ACTR3: variants seen among roughly 807,000 people sequenced by gnomAD.
The protein encoded by ACTR3 is actin related protein 3.
ACTR3 carries 12 observed loss-of-function variants against 56.8 expected under a neutral mutation model. That is an observed-to-expected ratio of 0.21 (90% confidence interval 0.14 to 0.34). ACTR3 has a LOEUF of 0.34. Among genes scored for constraint, ACTR3 ranks in the 10% least tolerant of loss-of-function variants. The pLI is 1.00. For missense variants in ACTR3, 282 were observed against 512.5 expected (o/e 0.55, Z 4.34); for synonymous variants, 162 against 167.4 (o/e 0.97, Z 0.25).
chr2:113,948,835 T>G, intron 8 of ACTR3, among the ~76,000 whole-genome samples: 1 of 151,688 alleles, frequency 6.6e-6, no homozygotes, highest in Non-Finnish European at 1.5e-5. Flanking sequence ...TGAAGTGTCT[T>G]TTACATCCCA....
intron 6 of ACTR3, 139 bp from the exon 7 acceptor site, chr2:113,939,820 G>C: frequency 4.9e-6 from 3 of 606,210 alleles, no homozygotes; most frequent in Non-Finnish European, 7.8e-6. Flanking sequence ...AGGAATAAAG[G>C]TAAGTTCTGA....
intron 1 of ACTR3, among the ~76,000 whole-genome samples, chr2:113,906,569 T>C (rs184180037): frequency 1.3e-5 from 2 of 152,314 alleles, no homozygotes; most frequent in Admixed American, 6.5e-5. Flanking sequence ...TTTCACCTTA[T>C]GTTTTTTTTC....
chr2:113,915,606 A>C lies in ACTR3; in HGVS notation c.101-1278A>C, dbSNP rs138758091. Among the ~76,000 whole-genome samples, 55 of 152,300 alleles carry C rather than the reference A, an allele frequency of 3.6e-4. 1 individual carries two copies. The highest frequency in any genetic ancestry group is 6.8e-3 in the Middle Eastern group (2 of 294). ...TGATTGTATATTTCAGGAGACTACT[A>C]AAGTTATTTCTGCCATCTTAGCAAA... On this transcript the variant is annotated intron_variant, in intron 2 of 11. Coordinates refer to ENST00000263238, the MANE Select transcript of ACTR3 (RefSeq NM_005721.5).
chr2:113,902,599 G>GTT (rs35712512), intron 1 of ACTR3, among the ~76,000 whole-genome samples: 32 of 146,678 alleles, frequency 2.2e-4, no homozygotes, highest in African/African-American at 3.7e-4. Context: ...TTTTGGTTTA[G>GTT]TTTTTTTTTT....
intron 3 of ACTR3, among the ~76,000 whole-genome samples, chr2:113,918,807 A>G (rs10204719): frequency 0.026 from 4,025 of 152,328 alleles, 143 homozygotes; most frequent in African/African-American, 0.076. Flanking sequence ...CTCAGGCCAC[A>G]TAGACAATGA....
intron 6 of ACTR3, among the ~76,000 whole-genome samples, chr2:113,935,190 A>G (rs1016680334): frequency 5.3e-5 from 8 of 152,206 alleles, no homozygotes; most frequent in African/African-American, 1.4e-4. Context: ...AATAACTGCC[A>G]TTGTTTAACG....
intron 1 of ACTR3, chr2:113,905,275 G>A (rs62169873): frequency 0.073 from 11,168 of 152,048 alleles, 461 homozygotes; most frequent in African/African-American, 0.1. Context: ...GGCCAGCCTG[G>A]CCAACATGGT....
chr2:113,945,345 C>G (rs551795068), intron 8 of ACTR3, among the ~76,000 whole-genome samples: 32 of 152,166 alleles, frequency 2.1e-4, no homozygotes, highest in African/African-American at 7.7e-4. Context: ...TAGTAACCCC[C>G]AGATTTCTAA....
intron 1 of ACTR3, among the ~76,000 whole-genome samples, chr2:113,912,684 C>T (rs1039070576): frequency 7.9e-5 from 12 of 152,104 alleles, no homozygotes; most frequent in African/African-American, 2.7e-4. Flanking sequence ...TACTCCTCCC[C>T]ATTAGTTTTA....
intron 1 of ACTR3, among the ~76,000 whole-genome samples, chr2:113,911,296 T>G (rs1245421310): frequency 1.3e-5 from 2 of 150,136 alleles, no homozygotes; most frequent in African/African-American, 4.9e-5. Context: ...TGTTTTTCGT[T>G]TTTTTTTTTT....
intron 2 of ACTR3, among the ~76,000 whole-genome samples, chr2:113,914,535 C>G (rs897624046): frequency 7.6e-5 from 11 of 145,276 alleles, no homozygotes; most frequent in Admixed American, 1.4e-4. Flanking sequence ...CGCTCGAACC[C>G]GGGAGGTGGA....
At chr2:113,919,950 A>G (rs1195655268) in intron 3 of ACTR3, among the ~76,000 whole-genome samples, 1 of 152,024 alleles carries the variant, frequency 6.6e-6, no homozygotes, top group East Asian at 1.9e-4. Context: ...TTGAGATGGA[A>G]TCTTGCTCTG....
chr2:113,921,600 T>C (rs564145536), intron 3 of ACTR3, among the ~76,000 whole-genome samples: 14 of 152,338 alleles, frequency 9.2e-5, no homozygotes, highest in Non-Finnish European at 1.9e-4. Flanking sequence ...TTTATAGTTT[T>C]GGGTCTTAGA....
intron 1 of ACTR3, among the ~76,000 whole-genome samples, chr2:113,894,999 T>TA (rs1317574687): frequency 6.6e-6 from 1 of 152,114 alleles, no homozygotes; most frequent in Non-Finnish European, 1.5e-5. Context: ...ATCTCAGCCT[T>TA]ATGAATTTGA....
chr2:113,891,022 G>A (rs1003309867), intron 1 of ACTR3, among the ~76,000 whole-genome samples: 4 of 152,170 alleles, frequency 2.6e-5, no homozygotes, highest in African/African-American at 9.7e-5. Flanking sequence ...CCCCCAGTGA[G>A]CAAGCGCGCT....
intron 5 of ACTR3, among the ~76,000 whole-genome samples, chr2:113,932,221 A>G (rs1423210291): frequency 6.6e-6 from 1 of 152,212 alleles, no homozygotes; most frequent in East Asian, 1.9e-4. Flanking sequence ...CCATAAATTT[A>G]ATGAACTGCC....
At chr2:113,900,438 CGTT>C (rs1679079702) in intron 1 of ACTR3, among the ~76,000 whole-genome samples, 2 of 151,998 alleles carry the variant, frequency 1.3e-5, no homozygotes, top group South Asian at 2.1e-4. Flanking sequence ...CTGCTGTAGT[CGTT>C]GTCTTCAGTG....
At chr2:113,894,846 A>C (rs1185032261) in intron 1 of ACTR3, among the ~76,000 whole-genome samples, 1 of 152,070 alleles carries the variant, frequency 6.6e-6, no homozygotes, top group Admixed American at 6.5e-5. Flanking sequence ...TGCTATTTGG[A>C]CCTGAGTTCT....
At chr2:113,924,243 A>ATT (rs1222977721) in intron 3 of ACTR3, among the ~76,000 whole-genome samples, 3 of 143,720 alleles carry the variant, frequency 2.1e-5, no homozygotes, top group African/African-American at 2.5e-5. Context: ...CTAATTAAAA[A>ATT]TTTTTTTTTT....
Sources: gnomAD v4.1 joint callset for allele counts (sites outside exome capture counted in the v4.1 genomes callset) on GRCh38, gnomAD v4.1.1 for gene constraint, MANE v1.5 for transcripts, NCBI Gene and HGNC (gene_info 2026-07-23, HGNC 2026-07-21) for gene names.